Variants in FHAD1 observed in about 807,000 individuals in gnomAD.
FHAD1 encodes the protein forkhead-associated domain-containing protein 1.
FHAD1 carries 146 observed loss-of-function variants against 191.3 expected under a neutral mutation model. The observed-to-expected ratio is 0.76, with a 90% CI of 0.67 to 0.88. The LOEUF is 0.88. Among genes scored for constraint, FHAD1 ranks in the 40% least tolerant of loss-of-function variants. The pLI, the probability that FHAD1 is intolerant of heterozygous loss-of-function variation, is 0.00. For missense variants in FHAD1, 1,635 were observed against 1,785.8 expected (o/e 0.92, Z 1.52); for synonymous variants, 616 against 672.3 (o/e 0.92, Z 1.29).
At chr1:15,275,885 G>T (rs1377871363) in intron 3 of FHAD1, among the ~76,000 whole-genome samples, 1 of 152,160 alleles carries the variant, frequency 6.6e-6, no homozygotes, top group South Asian at 2.1e-4. Flanking sequence ...TCCTAATATT[G>T]TAAGGCTTAG....
chr1:15,352,921 G>C lies in FHAD1; in HGVS notation c.2499G>C (p.Glu833Asp). The change falls in exon 20 of 34, where the codon GAG becomes GAC. Residue 833 changes from glutamate to aspartate, a missense_variant. By Grantham distance (45) the Glu-to-Asp change is conservative. Transcript: ENST00000688493. ...CGTACGAGAAACGCAAAGCAAAGGA[G>C]GCCATGGAGAAGGAAAAGAAAAAGG... ...NIAYEKRKAK[E>D]AMEKEKKKVQ... 1 of 1,551,512 alleles carries C rather than the reference G, an allele frequency of 6.4e-7. No individual in the cohort carries two copies. The highest frequency in any genetic ancestry group is 1.2e-5 in the South Asian group (1 of 84,042).
chr1:15,336,093 C>T (rs1346942102), intron 14 of FHAD1, among the ~76,000 whole-genome samples: 1 of 152,178 alleles, frequency 6.6e-6, no homozygotes. Context: ...CCAACCCAAC[C>T]CTGTACTCTC....
Position 15,349,155 on chromosome 1 carries a change from A to C in FHAD1, c.2454+6A>C, listed in dbSNP as rs2102422177. 1 of 1,539,186 alleles carries C rather than the reference A, an allele frequency of 6.5e-7. No homozygotes were observed. Among genetic ancestry groups the C allele is most frequent in the East Asian group, 2.4e-5 (1 of 40,854 alleles). On this transcript the variant is annotated splice_donor_region_variant and intron_variant, in intron 19 of 33. Coordinates refer to ENST00000688493, the MANE Select transcript of FHAD1 (RefSeq NM_001391957.1). Reference sequence around the variant, plus strand: ...ATTTAACCCAACAGAAGGAGGTATGAGCAGCAGCAGGAAAGAATCCTCTGG... The same window carrying C: ...ATTTAACCCAACAGAAGGAGGTATGCGCAGCAGCAGGAAAGAATCCTCTGG...
intron 2 of FHAD1, among the ~76,000 whole-genome samples, chr1:15,256,024 C>CCTGCATTGGACAGGG (rs1296437198): frequency 2.6e-5 from 4 of 152,248 alleles, no homozygotes; most frequent in Non-Finnish European, 1.5e-5. Context: ...CCTGCCCCCA[C>CCTGCATTGGACAGGG]CTGCATTGGA....
intron 19 of FHAD1, 128 bp downstream of exon 19, chr1:15,349,277 T>G: frequency 2.8e-6 from 2 of 702,550 alleles, no homozygotes; most frequent in South Asian, 1.8e-5. Flanking sequence ...ATCTGCCGTT[T>G]ACTGGCTGTG....
At chr1:15,303,903 C>T (rs1479620129) in intron 6 of FHAD1, among the ~76,000 whole-genome samples, 1 of 151,954 alleles carries the variant, frequency 6.6e-6, no homozygotes, top group Non-Finnish European at 1.5e-5. Flanking sequence ...TAATACTCCT[C>T]CCCCCACTTT....
chr1:15,275,063 C>A (rs1473066113), intron 3 of FHAD1, among the ~76,000 whole-genome samples: 1 of 151,980 alleles, frequency 6.6e-6, no homozygotes, highest in Non-Finnish European at 1.5e-5. Flanking sequence ...CCCGGGTTCA[C>A]GCCATTCTCC....
intron 7 of FHAD1, among the ~76,000 whole-genome samples, chr1:15,309,451 A>G (rs1671563560): frequency 6.6e-6 from 1 of 152,196 alleles, no homozygotes; most frequent in Admixed American, 6.5e-5. Context: ...AAGTAAAAAG[A>G]TAAATGAACA....
chr1:15,290,694 C>CTTT (rs34777607), intron 4 of FHAD1, among the ~76,000 whole-genome samples: 1 of 138,278 alleles, frequency 7.2e-6, no homozygotes, highest in East Asian at 2.1e-4. Context: ...TTAATATGAA[C>CTTT]TTTTTTTTTT....
intron 31 of FHAD1, among the ~76,000 whole-genome samples, chr1:15,386,959 C>T (rs1294018349): frequency 2.6e-5 from 4 of 151,808 alleles, no homozygotes; most frequent in Non-Finnish European, 4.4e-5. Context: ...GCCTCCCAGG[C>T]TCAAATGATC....
intron 27 of FHAD1, 63 bp from the exon 28 acceptor site, chr1:15,375,540 G>C (rs1159693819): frequency 5.6e-6 from 8 of 1,431,668 alleles, no homozygotes; most frequent in Non-Finnish European, 6.5e-6. Flanking sequence ...AGTTGCTATG[G>C]TTATTACATG....
rs74767721 is a variant in FHAD1 at position 15,275,097 on chromosome 1, G to A, written c.300+2568G>A. The stretch of plus-strand genomic sequence containing the variant: ...CCTGCCTCAGCCTCCCGAGTAGCTG[G>A]GACTACAGGTGCCCACCACCATGCC... On this transcript the variant is annotated intron_variant, in intron 3 of 33. Transcript: ENST00000688493. 3.9e-4 allele frequency among the ~76,000 whole-genome samples: 60 copies of A among 152,102 alleles called. No individual in the cohort carries two copies. The East Asian group carries it at 0.01, about 26-fold the overall frequency.
At chr1:15,322,516 G>A (rs1357445846) in intron 10 of FHAD1, among the ~76,000 whole-genome samples, 2 of 152,200 alleles carry the variant, frequency 1.3e-5, no homozygotes, top group Non-Finnish European at 2.9e-5. Flanking sequence ...AGCCAGGCCT[G>A]TCTGACTCCA....
chr1:15,385,307 C>T (rs566655504), intron 31 of FHAD1, among the ~76,000 whole-genome samples: 2 of 152,154 alleles, frequency 1.3e-5, no homozygotes, highest in African/African-American at 4.8e-5. Flanking sequence ...CACAAAGAGT[C>T]GATTTTTTTC....
chr1:15,369,637 A>C, intron 26 of FHAD1, 135 bp downstream of exon 26: 1 of 1,000,916 alleles, frequency 1.0e-6, no homozygotes, highest in Non-Finnish European at 1.5e-6. Flanking sequence ...TATAAAGTAA[A>C]TCGCAGAATA....
rs574148642 is a variant in FHAD1 at position 15,309,857 on chromosome 1, G to A, written c.1039+1121G>A. Among the ~76,000 whole-genome samples, 7 of 152,216 alleles carry A rather than the reference G, an allele frequency of 4.6e-5. No homozygotes were observed. In the East Asian group the frequency reaches 5.8e-4, roughly 13 times the overall value. ...GGGCTGTCGGGAGGCCCCTGGGAAC[G>A]GTATGCTGGGCAGAGAGCACAGGTG... On this transcript the variant is annotated intron_variant, in intron 7 of 33. Transcript: ENST00000688493.
intron 26 of FHAD1, among the ~76,000 whole-genome samples, chr1:15,373,717 G>A (rs998227109): frequency 1.3e-5 from 2 of 152,136 alleles, no homozygotes; most frequent in East Asian, 1.9e-4. Flanking sequence ...TTAGTCGGGC[G>A]TGGTGGCACA....
rs138950065 is a variant in FHAD1, at chr1:15,340,763, A to G, written c.1978-973A>G. Among the ~76,000 whole-genome samples, 340 of 152,288 alleles carry G rather than the reference A, an allele frequency of 2.2e-3. 7 individuals are homozygous for G. The East Asian group carries it at 0.047, about 21-fold the overall frequency. ...TTGGCAACTTTCTCTGTAAAGGGCC[A>G]GATGGTAAATATTTTATGCTTTGCA... On this transcript the variant is annotated intron_variant, in intron 15 of 33. Transcript: ENST00000688493.
chr1:15,379,456 C>T (rs1001925035), intron 28 of FHAD1, among the ~76,000 whole-genome samples: 3 of 152,224 alleles, frequency 2.0e-5, no homozygotes, highest in East Asian at 1.9e-4. Context: ...GGTTTTATAC[C>T]GAGACATTCC....
Sources: gnomAD v4.1 joint callset for allele counts (sites outside exome capture counted in the v4.1 genomes callset) on GRCh38, gnomAD v4.1.1 for gene constraint, MANE v1.5 for transcripts, NCBI Gene and HGNC (gene_info 2026-07-23, HGNC 2026-07-21) for gene names.